Variants in C5orf24 observed in about 807,000 individuals in gnomAD.
C5orf24 encodes the protein UPF0461 protein C5orf24.
In C5orf24, 4 loss-of-function variants were observed where a neutral mutation model predicts 9.8. That is an observed-to-expected ratio of 0.41 (90% CI 0.20 to 0.93). C5orf24 has a LOEUF of 0.93. Ranked by LOEUF, C5orf24 falls within the 40% of genes least tolerant of loss-of-function variation. The pLI is 0.33. For missense variants in C5orf24, 170 were observed against 236.9 expected, an observed-to-expected ratio of 0.72 and a Z score of 1.85; for synonymous variants, 73 against 81.3, an observed-to-expected ratio of 0.90 and a Z score of 0.55.
the C5orf24 span, among the ~76,000 whole-genome samples, chr5:134,839,633 A>G: frequency 2.0e-5 from 3 of 152,092 alleles, no homozygotes; most frequent in African/African-American, 7.2e-5. Context: ...GGGACTGGAA[A>G]GAGGATGCTG....
rs1377789921 is a variant in C5orf24, at chr5:134,857,039, T to C, written c.*1572T>C. 1.2e-5 allele frequency: 13 copies of C among 1,050,300 alleles called. No individual in the cohort carries two copies. The Admixed American group carries it at 6.6e-4, about 53-fold the overall frequency. 65.1% of individuals were successfully genotyped at this position (1,050,300 alleles called of 1,614,324 possible). A position where few individuals can be genotyped will look rare whatever the true frequency, so the allele number is the denominator to read the frequency against. The stretch of plus-strand genomic sequence containing the variant: ...AAGGAAAAAAAGTATTAGGTAGATA[T>C]GTATAGTAGGGACAGAGGGAAATCT... On this transcript the variant is annotated 3_prime_UTR_variant, in exon 2 of 2. Coordinates refer to ENST00000394976, the MANE Select transcript of C5orf24 (RefSeq NM_001135586.1).
intron 1 of C5orf24, among the ~76,000 whole-genome samples, chr5:134,849,505 C>T (rs192491766): frequency 6.9e-4 from 105 of 151,982 alleles, no homozygotes; most frequent in African/African-American, 2.4e-3. Flanking sequence ...TAATTATTTA[C>T]GAGTAATTCT....
In C5orf24 at chr5:134,855,296, G is replaced by A. The variant is rs1222217631; in HGVS notation, c.396G>A (p.Ala132=). 2.5e-6 allele frequency: 4 copies of A among 1,613,996 alleles called. No homozygotes were observed. The highest frequency in any genetic ancestry group is 1.7e-5 in the Admixed American group (1 of 59,986). ...GACCTTTGGGGACAACTAAAGCTGC[G>A]GGATACAAAGTCAGCCCAGGCAGAC... ...PGRPLGTTKA[A]GYKVSPGRPP... is the part of the protein sequence containing the mutation. The change falls in exon 2 of 2, where the codon GCG becomes GCA. Residue 132 remains alanine, a synonymous_variant. Coordinates refer to ENST00000394976, the MANE Select transcript of C5orf24 (RefSeq NM_001135586.1).
chr5:134,848,533 T>C (rs1756060250), intron 1 of C5orf24, among the ~76,000 whole-genome samples: 2 of 148,984 alleles, frequency 1.3e-5, no homozygotes, highest in Middle Eastern at 3.4e-3. Context: ...CTAGCATACG[T>C]GCCTGTAATC....
At chr5:134,841,470 C>T (rs1267602201), upstream of C5orf24, among the ~76,000 whole-genome samples, 1 of 151,982 alleles carries the variant, frequency 6.6e-6, no homozygotes, top group African/African-American at 2.4e-5. Context: ...GCCTGTAGTC[C>T]TAGCTACTTG....
At chr5:134,834,683 G>A in the C5orf24 span, among the ~76,000 whole-genome samples, 2 of 152,090 alleles carry the variant, frequency 1.3e-5, no homozygotes, top group African/African-American at 4.8e-5. Context: ...TTGGGAGGCC[G>A]AGGAGGGTGG....
At position 134,855,786 on chromosome 5, in the gene C5orf24, A is replaced by C; in HGVS notation, c.*319A>C. 1.7e-6 allele frequency: 2 copies of C among 1,191,702 alleles called. No individual in the cohort carries two copies. Among genetic ancestry groups the C allele is most frequent in the Non-Finnish European group, 2.1e-6 (2 of 948,272 alleles). 73.8% of individuals were successfully genotyped at this position (1,191,702 alleles called of 1,614,324 possible). ...GTTCTAAATAGATGCTTTATGTGAT[A>C]AACAACTGAAACCATTATACCTATT... is the stretch of plus-strand genomic sequence containing the variant. On this transcript the variant is annotated 3_prime_UTR_variant, in exon 2 of 2. Coordinates refer to ENST00000394976, the MANE Select transcript of C5orf24 (RefSeq NM_001135586.1).
chr5:134,851,942 T>G (rs1756172253), intron 1 of C5orf24, among the ~76,000 whole-genome samples: 2 of 152,164 alleles, frequency 1.3e-5, no homozygotes, highest in Non-Finnish European at 2.9e-5. Flanking sequence ...TAATTAATAA[T>G]CTAGTCCTTT....
chr5:134,842,753 T>C (rs1426925147), upstream of C5orf24, among the ~76,000 whole-genome samples: 2 of 152,116 alleles, frequency 1.3e-5, no homozygotes, highest in African/African-American at 2.4e-5. Flanking sequence ...CTGTGAAATA[T>C]CTCCAGACTA....
chr5:134,840,186 A>C, the C5orf24 span, among the ~76,000 whole-genome samples: 1 of 151,764 alleles, frequency 6.6e-6, no homozygotes, highest in African/African-American at 2.4e-5. Context: ...GTGCACCTGT[A>C]GTCCCAGCTA....
chr5:134,835,054 A>G, the C5orf24 span, among the ~76,000 whole-genome samples: 4 of 151,904 alleles, frequency 2.6e-5, no homozygotes, highest in African/African-American at 4.8e-5. Context: ...AAAAAAAAAA[A>G]AAATTAGCCG....
In C5orf24 at chr5:134,857,462, A is replaced by G. The variant is rs1169493391; in HGVS notation, c.*1995A>G. ...AGGTGTTGCATTGTATGTGGGGACT[A>G]TGTGCACTGGCGTCTAAGACAGTGA... On this transcript the variant is annotated 3_prime_UTR_variant, in exon 2 of 2. Transcript: ENST00000394976. 15 of 1,503,418 alleles carry G rather than the reference A, an allele frequency of 1.0e-5. No individual in the cohort carries two copies. The highest frequency in any genetic ancestry group is 5.5e-5 in the African/African-American group (4 of 72,096). 93.1% of individuals were successfully genotyped at this position (1,503,418 alleles called of 1,614,324 possible). A position where few individuals can be genotyped will look rare whatever the true frequency, so the allele number is the denominator to read the frequency against.
chr5:134,856,383 T>C lies in C5orf24; in HGVS notation c.*916T>C. On this transcript the variant is annotated 3_prime_UTR_variant, in exon 2 of 2. Transcript: ENST00000394976. Reference sequence around the variant, plus strand: ...ACATTTATTGGCTGGGTGTGGTGGCTCACACCCAGCACTTTGGGAGGCCGA... The same window carrying C: ...ACATTTATTGGCTGGGTGTGGTGGCCCACACCCAGCACTTTGGGAGGCCGA... 5 of 911,726 alleles carry C rather than the reference T, an allele frequency of 5.5e-6. No individual in the cohort carries two copies. Among genetic ancestry groups the C allele is most frequent in the South Asian group, 5.2e-5 (1 of 19,320 alleles). 56.5% of individuals were successfully genotyped at this position (911,726 alleles called of 1,614,324 possible).
rs866321967 is a variant in C5orf24 at position 134,855,583 on chromosome 5, C to A, written c.*116C>A. 2 of 1,466,482 alleles carry A rather than the reference C, an allele frequency of 1.4e-6. No homozygotes were observed. Among genetic ancestry groups the A allele is most frequent in the Non-Finnish European group, 1.8e-6 (2 of 1,100,370 alleles). 90.8% of individuals were successfully genotyped at this position (1,466,482 alleles called of 1,614,324 possible). A position where few individuals can be genotyped will look rare whatever the true frequency, so the allele number is the denominator to read the frequency against. On this transcript the variant is annotated 3_prime_UTR_variant, in exon 2 of 2. Coordinates refer to ENST00000394976, the MANE Select transcript of C5orf24 (RefSeq NM_001135586.1). ...GCCTGGGCTTTCCAAATTTGTTTTC[C>A]TGTTTGGTTTTTTTCCTGCTTTTGC...
chr5:134,857,516 A>T lies in C5orf24; in HGVS notation c.*2049A>T. 2.4e-6 allele frequency: 3 copies of T among 1,271,112 alleles called. No homozygotes were observed. Among genetic ancestry groups the T allele is most frequent in the Middle Eastern group, 2.0e-4 (1 of 5,072 alleles). The allele number at this position is 1,271,112 out of a possible 1,614,324, so 78.7% of individuals were successfully genotyped here. ...CAACAATATTAGCTTTGCACAAACC[A>T]TAGAGAACGATGTTGGATGGTTACA... is the stretch of plus-strand genomic sequence containing the variant. On this transcript the variant is annotated 3_prime_UTR_variant, in exon 2 of 2. Coordinates refer to ENST00000394976, the MANE Select transcript of C5orf24 (RefSeq NM_001135586.1).
At chr5:134,846,518 C>G (rs760936992) in intron 1 of C5orf24, 5 of 152,212 alleles carry the variant, frequency 3.3e-5, no homozygotes, top group Admixed American at 6.5e-5. Flanking sequence ...ATGGAGTGCC[C>G]GTGGACTTCT....
chr5:134,857,177 A>T lies in C5orf24; in HGVS notation c.*1710A>T. 7.5e-7 allele frequency: 1 copy of T among 1,324,572 alleles called. No homozygotes were observed. 82.1% of individuals were successfully genotyped at this position (1,324,572 alleles called of 1,614,324 possible). A position where few individuals can be genotyped will look rare whatever the true frequency, so the allele number is the denominator to read the frequency against. The stretch of plus-strand genomic sequence containing the variant: ...TTGAAAAAATTCCACTTAACTTTAA[A>T]GTTACAATGTTTGTATTTGGGATTT... On this transcript the variant is annotated 3_prime_UTR_variant, in exon 2 of 2. Transcript: ENST00000394976.
rs1375371314 is a variant in C5orf24 at position 134,855,102 on chromosome 5, A to G, written c.202A>G (p.Ser68Gly). Residue 68 changes from serine to glycine, a missense_variant, in exon 2 of 2, where the codon AGT becomes GGT. Physicochemically the swap from Ser to Gly is moderately conservative, Grantham distance 56. This residue lies in a region of C5orf24 where 93 missense variants were observed against 104.5 expected (regional missense o/e 0.89). Transcript: ENST00000394976. ...AAATGAAACACACTTGCAGACTACA[A>G]GTGGCAGAAGCATAGAAATAAAAGA... ...PLNETHLQTT[S>G]GRSIEIKDEL... 1.9e-6 allele frequency: 3 copies of G among 1,614,072 alleles called. No homozygotes were observed. Among genetic ancestry groups the G allele is most frequent in the Non-Finnish European group, 2.5e-6 (3 of 1,180,044 alleles).
intron 1 of C5orf24, among the ~76,000 whole-genome samples, chr5:134,850,408 A>G (rs575922749): frequency 6.6e-6 from 1 of 151,810 alleles, no homozygotes; most frequent in African/African-American, 2.4e-5. Flanking sequence ...TGGCCTCCCA[A>G]AGTGCTGGGA....
Sources: gnomAD v4.1 joint callset for allele counts (sites outside exome capture counted in the v4.1 genomes callset) on GRCh38, gnomAD v4.1.1 for gene constraint, gnomAD v4.1.1 regional missense constraint, MANE v1.5 for transcripts, NCBI Gene and HGNC (gene_info 2026-07-23, HGNC 2026-07-21) for gene names.